The following BPGM variants were observed in gnomAD, a reference collection of about 807,000 sequenced individuals.
The protein encoded by BPGM is 2,3-bisphosphoglycerate mutase, erythrocyte.
BPGM carries 15 observed loss-of-function variants against 21.6 expected under a neutral mutation model. The ratio of observed to expected loss-of-function variants is 0.70; its 90% confidence interval spans 0.47 to 1.07. The LOEUF (loss-of-function observed/expected upper bound fraction) is 1.07. Among genes scored for constraint, BPGM ranks in the 50% least tolerant of loss-of-function variants. BPGM has a pLI of 0.00. For synonymous variants in BPGM, 113 were observed against 116.2 expected (o/e 0.97, Z 0.18); for missense variants, 273 against 319.0 (o/e 0.86, Z 1.10).
chr7:134,669,168 GGGTTGAA>G (rs1795865647), intron 2 of BPGM, among the ~76,000 whole-genome samples: 1 of 152,164 alleles, frequency 6.6e-6, no homozygotes, highest in African/African-American at 2.4e-5. Context: ...ATTAAGTGAA[GGGTTGAA>G]GGTTTGCTAT....
At chr7:134,669,353 A>G (rs1238718531) in intron 2 of BPGM, among the ~76,000 whole-genome samples, 1 of 152,118 alleles carries the variant, frequency 6.6e-6, no homozygotes, top group Non-Finnish European at 1.5e-5. Context: ...AATCTTGCTA[A>G]TGTTATAGGT....
intron 1 of BPGM, among the ~76,000 whole-genome samples, chr7:134,656,204 C>T (rs545949439): frequency 6.9e-4 from 105 of 152,236 alleles, no homozygotes; most frequent in African/African-American, 2.4e-3. Context: ...AACCACTGGC[C>T]TACAGGAACT....
chr7:134,657,026 C>T (rs1034819138), intron 1 of BPGM, among the ~76,000 whole-genome samples: 5 of 152,168 alleles, frequency 3.3e-5, no homozygotes, highest in African/African-American at 9.7e-5. Context: ...AACAAAGGGG[C>T]TACAGCAGGC....
intron 1 of BPGM, among the ~76,000 whole-genome samples, chr7:134,659,391 G>A (rs1255339762): frequency 1.8e-5 from 2 of 111,122 alleles, no homozygotes; most frequent in African/African-American, 7.6e-5. Context: ...GTGTGTGTGT[G>A]TGTGTGTGTG....
intron 1 of BPGM, among the ~76,000 whole-genome samples, chr7:134,655,338 C>T (rs778559037): frequency 8.6e-5 from 13 of 151,984 alleles, no homozygotes; most frequent in Non-Finnish European, 1.6e-4. Flanking sequence ...TCACCTTGTT[C>T]GTTTGCGTTT....
intron 1 of BPGM, among the ~76,000 whole-genome samples, chr7:134,652,605 ATCC>A (rs1795573192): frequency 6.6e-6 from 1 of 152,154 alleles, no homozygotes; most frequent in African/African-American, 2.4e-5. Context: ...CCTGTTAACC[ATCC>A]TCACTTTAAC....
chr7:134,661,618 A>G lies in BPGM; in HGVS notation c.111A>G (p.Glu37=), dbSNP rs1318741114. The G allele has an allele frequency of 6.2e-7, 1 of 1,614,194 alleles. No homozygotes were observed. The highest frequency in any genetic ancestry group is 1.7e-5 in the Admixed American group (1 of 60,010). The change falls in exon 2 of 3, where the codon GAA becomes GAG. Residue 37 remains glutamate (E), a synonymous_variant. Transcript: ENST00000344924. This position sits in a 1 kb window ranked among gnomAD's most constrained non-coding sequence, Gnocchi z 4.6. ...DQKLNSEGME[E]ARNCGKQLKA... is the part of the protein sequence containing the mutation. ...AACTCAACAGCGAAGGAATGGAGGAAGCTCGGAACTGTGGGAAGCAACTCA... is the reference window on the plus strand; with the variant it reads ...AACTCAACAGCGAAGGAATGGAGGAGGCTCGGAACTGTGGGAAGCAACTCA...
At position 134,679,276 on chromosome 7, in the gene BPGM, T is replaced by G; in HGVS notation, c.*245T>G. ...AGTCGGTCACCAAACTAGTAACTAG[T>G]GGGGCTTAATGAAGGTCATAAGTTT... On this transcript the variant is annotated 3_prime_UTR_variant, in exon 3 of 3. Coordinates refer to ENST00000344924, the MANE Select transcript of BPGM (RefSeq NM_001724.5). The G allele has an allele frequency of 2.0e-6, 1 of 512,054 alleles. No individual in the cohort carries two copies. The highest frequency in any genetic ancestry group is 3.4e-5 in the Admixed American group (1 of 29,840). The allele number at this position is 512,054 out of a possible 1,614,324, so 31.7% of individuals were successfully genotyped here.
rs1795730891 is a variant in BPGM, at chr7:134,661,552, T to C, written c.45T>C (p.Ala15=). Residue 15 remains alanine, a synonymous_variant, in exon 2 of 3, where the codon GCT becomes GCC. Coordinates refer to ENST00000344924, the MANE Select transcript of BPGM (RefSeq NM_001724.5). This position sits in a 1 kb window ranked among gnomAD's most constrained non-coding sequence, Gnocchi z 4.6. Reference sequence around the variant, plus strand: ...TTATGTTAAGACATGGAGAGGGTGCTTGGAATAAGGAGAACCGTTTTTGTA... The same window carrying C: ...TTATGTTAAGACATGGAGAGGGTGCCTGGAATAAGGAGAACCGTTTTTGTA... ...KLIMLRHGEG[A]WNKENRFCSW... 3 of 1,614,148 alleles carry C rather than the reference T, an allele frequency of 1.9e-6. No homozygotes were observed. The highest frequency in any genetic ancestry group is 2.2e-5 in the East Asian group (1 of 44,884).
chr7:134,657,638 C>G (rs1489615008), intron 1 of BPGM, among the ~76,000 whole-genome samples: 1 of 152,116 alleles, frequency 6.6e-6, no homozygotes, highest in African/African-American at 2.4e-5. Flanking sequence ...ATGAGCACCC[C>G]CCACTAGAGA....
intron 2 of BPGM, among the ~76,000 whole-genome samples, chr7:134,664,145 A>G (rs1041592214): frequency 1.3e-5 from 2 of 152,186 alleles, no homozygotes; most frequent in African/African-American, 2.4e-5. Flanking sequence ...TAGAGTTACC[A>G]TATGATCCAG....
Position 134,679,049 on chromosome 7 carries a change from C to G in BPGM, c.*18C>G. 6.2e-7 allele frequency: 1 copy of G among 1,612,838 alleles called. No individual in the cohort carries two copies. Among genetic ancestry groups the G allele is most frequent in the Non-Finnish European group, 8.5e-7 (1 of 1,179,002 alleles). On this transcript the variant is annotated 3_prime_UTR_variant, in exon 3 of 3. Transcript: ENST00000344924. ...AAAAATAGTCTTTCTCAACTGTTGG[C>G]TAAGAAGAAATGCAAAAGAAGTGGC...
chr7:134,659,438 G>A (rs183278007), intron 1 of BPGM, among the ~76,000 whole-genome samples: 3 of 151,958 alleles, frequency 2.0e-5, no homozygotes, highest in Admixed American at 6.5e-5. Context: ...TCACAGGTGA[G>A]GGGCTCTGAA....
rs1796027805 is a variant in BPGM at position 134,679,205 on chromosome 7, G to C, written c.*174G>C. On this transcript the variant is annotated 3_prime_UTR_variant, in exon 3 of 3. Transcript: ENST00000344924. The stretch of plus-strand genomic sequence containing the variant: ...CCAGATAAGGCTTTAGGATGCCTCA[G>C]TGCTTATGTCATAGCCTTATGAGTT... 4.3e-6 allele frequency: 3 copies of C among 696,012 alleles called. No individual in the cohort carries two copies. In the East Asian group the frequency reaches 8.2e-5, roughly 19 times the overall value. 43.1% of individuals were successfully genotyped at this position (696,012 alleles called of 1,614,324 possible). A position where few individuals can be genotyped will look rare whatever the true frequency, so the allele number is the denominator to read the frequency against.
rs796196496 is a variant in BPGM, at chr7:134,658,103, A to AT, written c.-61-3334dup. On this transcript the variant is annotated intron_variant, in intron 1 of 2. Transcript: ENST00000344924. ...ATATCAGATAAAAATACACGTTTTC[A>AT]TTTTTTTTTTAATTGGAAGATCTAG... Among the ~76,000 whole-genome samples the AT allele has an allele frequency of 8.7e-3, 1,314 of 150,416 alleles. 11 individuals are homozygous for AT. Among genetic ancestry groups the AT allele is most frequent in the African/African-American group, 0.03 (1,220 of 41,048 alleles).
intron 2 of BPGM, among the ~76,000 whole-genome samples, chr7:134,670,635 A>G (rs374283923): frequency 1.6e-5 from 2 of 125,274 alleles, no homozygotes; most frequent in Non-Finnish European, 3.4e-5. Context: ...AAAATAGATC[A>G]TTTATGAAAC....
chr7:134,668,673 T>A (rs6955081), intron 2 of BPGM, among the ~76,000 whole-genome samples: 84,685 of 152,050 alleles, frequency 0.56, 24,527 homozygotes, highest in East Asian at 0.77. Flanking sequence ...TAGTATATCC[T>A]GGTCATATTT....
chr7:134,664,332 C>G (rs1795781660), intron 2 of BPGM, among the ~76,000 whole-genome samples: 2 of 152,106 alleles, frequency 1.3e-5, no homozygotes, highest in Non-Finnish European at 2.9e-5. Flanking sequence ...TCTTCCTTGC[C>G]TTGGCTAGCT....
chr7:134,670,381 GGCCTCGCTTCTGTGAGGCAAGTAGTT>G (rs1197576252), intron 2 of BPGM, among the ~76,000 whole-genome samples: 1 of 152,198 alleles, frequency 6.6e-6, no homozygotes, highest in Non-Finnish European at 1.5e-5. Context: ...AGCCAATTCA[GGCCTCGCTTCTGTGAGGCAAGTAGTT>G]GCCTATTGGT....
Sources: gnomAD v4.1 joint callset for allele counts (sites outside exome capture counted in the v4.1 genomes callset) on GRCh38, gnomAD v4.1.1 for gene constraint, Gnocchi (gnomAD v3.1) non-coding constraint, MANE v1.5 for transcripts, NCBI Gene and HGNC (gene_info 2026-07-23, HGNC 2026-07-21) for gene names.